C5orf15: variants seen among roughly 807,000 people sequenced by gnomAD.
C5orf15 encodes the protein keratinocyte-associated transmembrane protein 2.
C5orf15 carries 10 observed loss-of-function variants against 17.8 expected under a neutral mutation model. The ratio of observed to expected loss-of-function variants is 0.56; its 90% CI spans 0.35 to 0.95. The LOEUF is 0.95. C5orf15 is among the 40% of genes least tolerant of loss of function. The pLI, the probability that C5orf15 is intolerant of heterozygous loss-of-function variation, is 0.02. For synonymous variants in C5orf15, 124 were observed against 131.0 expected (o/e 0.95, Z 0.36); for missense variants, 319 against 331.7 (o/e 0.96, Z 0.30).
chr5:133,965,320 C>T (rs938506151), intron 1 of C5orf15, among the ~76,000 whole-genome samples: 1 of 152,200 alleles, frequency 6.6e-6, no homozygotes, highest in African/African-American at 2.4e-5. Flanking sequence ...CATTGTTTAA[C>T]TCCAATACCT....
Position 133,956,130 on chromosome 5 carries a change from A to G in C5orf15, c.*729T>C, listed in dbSNP as rs187244711. Reference sequence around the variant, plus strand: ...GAAACCTTGGAGGAACCCATGCTACAATCAATTGCTAACTAAAAGCAATTG... The same window carrying G: ...GAAACCTTGGAGGAACCCATGCTACGATCAATTGCTAACTAAAAGCAATTG... On this transcript the variant is annotated 3_prime_UTR_variant, in exon 3 of 3. Coordinates refer to ENST00000231512, the MANE Select transcript of C5orf15 (RefSeq NM_020199.3). The G allele has an allele frequency of 1.3e-5, 2 of 152,644 alleles. No homozygotes were observed. Among genetic ancestry groups the G allele is most frequent in the South Asian group, 4.1e-4 (2 of 4,834 alleles). 9.5% of individuals were successfully genotyped at this position (152,644 alleles called of 1,614,324 possible).
At chr5:133,960,669 T>G (rs1752111120) in intron 1 of C5orf15, among the ~76,000 whole-genome samples, 1 of 152,164 alleles carries the variant, frequency 6.6e-6, no homozygotes, top group Admixed American at 6.5e-5. Context: ...AAGTGACAAC[T>G]AGACTATTTT....
intron 1 of C5orf15, 35 bp downstream of exon 1, chr5:133,968,411 A>T (rs770882090): frequency 6.3e-7 from 1 of 1,593,652 alleles, no homozygotes. Context: ...GAGCCCTCCT[A>T]GCCTTCCTAA....
intron 1 of C5orf15, among the ~76,000 whole-genome samples, chr5:133,968,021 C>A (rs925538789): frequency 7.9e-5 from 12 of 152,034 alleles, no homozygotes; most frequent in Admixed American, 4.6e-4. Flanking sequence ...AGACACCACA[C>A]CCCCAGCCCC....
In C5orf15 at chr5:133,955,899, G is replaced by C. The variant is rs1452050096; in HGVS notation, c.*960C>G. The C allele has an allele frequency of 1.3e-5, 2 of 151,966 alleles. No homozygotes were observed. Among genetic ancestry groups the C allele is most frequent in the African/African-American group, 4.8e-5 (2 of 41,362 alleles). The allele number at this position is 151,966 out of a possible 1,614,324, so 9.4% of individuals were successfully genotyped here. On this transcript the variant is annotated 3_prime_UTR_variant, in exon 3 of 3. Transcript: ENST00000231512. The stretch of plus-strand genomic sequence containing the variant: ...AGTTGCCATAAAAAACAAAAACAAA[G>C]AAAACAAGTGTGGGGGAAAAAAGGT...
At chr5:133,966,329 C>A (rs1279635598) in intron 1 of C5orf15, among the ~76,000 whole-genome samples, 1 of 151,310 alleles carries the variant, frequency 6.6e-6, no homozygotes, top group African/African-American at 2.4e-5. Flanking sequence ...TGCAGAGGAC[C>A]CCGAGAACTC....
At position 133,955,730 on chromosome 5, in the gene C5orf15, C is replaced by T. The variant is rs572138310; in HGVS notation, c.*1129G>A. 16 of 152,704 alleles carry T rather than the reference C, an allele frequency of 1.0e-4. No individual in the cohort carries two copies. The highest frequency in any genetic ancestry group is 3.6e-4 in the African/African-American group (15 of 41,544). The allele number at this position is 152,704 out of a possible 1,614,324, so 9.5% of individuals were successfully genotyped here. A position where few individuals can be genotyped will look rare whatever the true frequency, so the allele number is the denominator to read the frequency against. ...AGCCCACTGGCTCACCCGGGTCCTG[C>T]TTAACATATATTAGGGCTATGTTTT... On this transcript the variant is annotated 3_prime_UTR_variant, in exon 3 of 3. Transcript: ENST00000231512.
In C5orf15 at chr5:133,966,858, A is replaced by C. The variant is rs1752199956; in HGVS notation, c.139+1588T>G. Among the ~76,000 whole-genome samples the C allele has an allele frequency of 5.9e-5, 9 of 152,226 alleles. No individual in the cohort carries two copies. In the South Asian group the frequency reaches 1.9e-3, roughly 32 times the overall value. On this transcript the variant is annotated intron_variant, in intron 1 of 2. Coordinates refer to ENST00000231512, the MANE Select transcript of C5orf15 (RefSeq NM_020199.3). Reference sequence around the variant, plus strand: ...GAATAATCTGAATTTATGACATTTTAAACTGGTGTATGTAAAGACTTAATT... The same window carrying C: ...GAATAATCTGAATTTATGACATTTTCAACTGGTGTATGTAAAGACTTAATT...
In C5orf15 at chr5:133,964,185, C is replaced by G. The variant is rs977951847; in HGVS notation, c.140-4165G>C. On this transcript the variant is annotated intron_variant, in intron 1 of 2. Transcript: ENST00000231512. ...TGAGCCGAGATCGTGCCATTGCACT[C>G]CAGCCTGGAGTGCAAGACTTACTCT... 9.2e-5 allele frequency among the ~76,000 whole-genome samples: 14 copies of G among 152,032 alleles called. No individual in the cohort carries two copies. The East Asian group carries it at 2.5e-3, about 27-fold the overall frequency.
In C5orf15 at chr5:133,957,007, A is replaced by G. The variant is rs199505921; in HGVS notation, c.667-17T>C. The G allele has an allele frequency of 1.8e-4, 289 of 1,594,384 alleles. 4 individuals are homozygous for G. The East Asian group carries it at 6.4e-3, about 35-fold the overall frequency. On this transcript the variant is annotated splice_polypyrimidine_tract_variant and intron_variant, in intron 2 of 2. Transcript: ENST00000231512. Reference sequence around the variant, plus strand: ...AAGAAAAATCTGGAAAACAGAAGTCATTAAATAGGCAAAAGAGAAAACAGA... The same window carrying G: ...AAGAAAAATCTGGAAAACAGAAGTCGTTAAATAGGCAAAAGAGAAAACAGA...
At chr5:133,967,665 G>A (rs762760310) in intron 1 of C5orf15, among the ~76,000 whole-genome samples, 9 of 152,118 alleles carry the variant, frequency 5.9e-5, no homozygotes, top group Non-Finnish European at 1.0e-4. Context: ...ATTAAAACGA[G>A]GCAGGGTTAT....
intron 1 of C5orf15, 62 bp downstream of exon 1, chr5:133,968,384 T>C (rs1752227051): frequency 1.3e-6 from 2 of 1,564,522 alleles, no homozygotes; most frequent in African/African-American, 1.4e-5. Flanking sequence ...GCCCGGCCTG[T>C]CTCCTGCCCT....
chr5:133,962,031 C>T (rs923794260), intron 1 of C5orf15, among the ~76,000 whole-genome samples: 3 of 152,124 alleles, frequency 2.0e-5, no homozygotes, highest in Non-Finnish European at 2.9e-5. Flanking sequence ...ATCACTTCAA[C>T]TTAGTTATAA....
intron 2 of C5orf15, 120 bp from the exon 3 acceptor site, chr5:133,957,110 A>C: frequency 2.2e-6 from 2 of 909,666 alleles, no homozygotes; most frequent in Non-Finnish European, 3.3e-6. Context: ...AATATCAACA[A>C]CAAAAAAGCT....
intron 1 of C5orf15, among the ~76,000 whole-genome samples, chr5:133,964,339 AT>A (rs1284558292): frequency 6.6e-6 from 1 of 152,212 alleles, no homozygotes; most frequent in East Asian, 1.9e-4. Context: ...GTATTATTCC[AT>A]TTATGTAAGA....
Position 133,959,850 on chromosome 5 carries a change from G to A in C5orf15, c.310C>T (p.Pro104Ser), listed in dbSNP as rs1752093716. The change falls in exon 2 of 3, where the codon CCT becomes TCT. Residue 104 changes from proline (P) to serine (S), a missense_variant. By Grantham distance (74) the Pro-to-Ser change is moderately conservative. Around this residue, in one of 3 missense-constraint regions of C5orf15, gnomAD observed 17 missense variants for 43.6 expected, o/e 0.39. Transcript: ENST00000231512. ...TKKSGGASVV[P>S]HPSPTPLSQE... ...GACAGAGGAGTAGGCGAGGGATGAGGGACCACAGATGCTCCTCCACTTTTC... is the reference window on the plus strand; with the variant it reads ...GACAGAGGAGTAGGCGAGGGATGAGAGACCACAGATGCTCCTCCACTTTTC... 6.2e-7 allele frequency: 1 copy of A among 1,613,916 alleles called. No individual in the cohort carries two copies. Among genetic ancestry groups the A allele is most frequent in the African/African-American group, 1.3e-5 (1 of 74,890 alleles).
At chr5:133,959,423 A>T (rs1752085413) in intron 2 of C5orf15, 71 bp downstream of exon 2, 1 of 708,956 alleles carries the variant, frequency 1.4e-6, no homozygotes, top group Non-Finnish European at 2.0e-6. Flanking sequence ...AAAAAAAAAA[A>T]AAAAAGAACC....
chr5:133,963,036 A>G (rs1240639391), intron 1 of C5orf15, among the ~76,000 whole-genome samples: 2 of 152,286 alleles, frequency 1.3e-5, no homozygotes, highest in African/African-American at 4.8e-5. Flanking sequence ...TCACATCTGC[A>G]CCCAGCAGCT....
In C5orf15 at chr5:133,959,591, G is replaced by C; in HGVS notation, c.569C>G (p.Ser190Ter). 6.2e-7 allele frequency: 1 copy of C among 1,611,394 alleles called. No individual in the cohort carries two copies. Among genetic ancestry groups the C allele is most frequent in the South Asian group, 1.1e-5 (1 of 90,278 alleles). Reference protein sequence around the residue: ...QSVKSFKMPSSNIEEEDSHFF... With the variant: ...QSVKSFKMPS Reference sequence around the variant, plus strand: ...ATGGCTGTCTTCCTCTTCTATATTTGAGGATGGCATCTTAAAAGATTTCAC... The same window carrying C: ...ATGGCTGTCTTCCTCTTCTATATTTCAGGATGGCATCTTAAAAGATTTCAC... The change falls in exon 2 of 3, where the codon TCA becomes TGA. Residue 190 changes from serine (S) to a stop codon, truncating the protein, a stop_gained. Coordinates refer to ENST00000231512, the MANE Select transcript of C5orf15 (RefSeq NM_020199.3). LOFTEE classifies it high-confidence loss of function.
Sources: allele counts gnomAD v4.1 joint callset (sites outside exome capture counted in the v4.1 genomes callset), GRCh38; gene constraint gnomAD v4.1.1; regional missense constraint gnomAD v4.1.1; transcripts MANE v1.5; gene names NCBI Gene and HGNC (gene_info 2026-07-23, HGNC 2026-07-21).